The following SAMD7 variants were observed in gnomAD, a reference collection of about 807,000 sequenced individuals.
The protein encoded by SAMD7 is sterile alpha motif domain containing 7, also known as sterile alpha motif domain-containing protein 7.
In SAMD7, 34 loss-of-function variants were observed where a neutral mutation model predicts 36.7. That is an observed-to-expected ratio of 0.93 (90% CI 0.71 to 1.23). The LOEUF is 1.23. SAMD7 is among the 50% of genes most tolerant of loss of function. The pLI, the probability that SAMD7 is intolerant of heterozygous loss-of-function variation, is 0.00. For missense variants in SAMD7, 570 were observed against 546.6 expected (o/e 1.04, Z -0.43); for synonymous variants, 188 against 189.7 (o/e 0.99, Z 0.07).
chr3:169,926,487 G>C lies in SAMD7; in HGVS notation c.291-66G>C, dbSNP rs59427902. ...TGAGGACTATTTTAGGGAAGACAAG[G>C]GGTCATTAAAATTACATTTATAGTG... is the stretch of plus-strand genomic sequence containing the variant. On this transcript the variant is annotated intron_variant, in intron 5 of 8. Coordinates refer to ENST00000335556, the MANE Select transcript of SAMD7 (RefSeq NM_001304366.2). 3.6e-3 allele frequency: 5,186 copies of C among 1,454,740 alleles called. 88 individuals carry two copies. In the East Asian group the frequency reaches 0.041, roughly 12 times the overall value. The allele number at this position is 1,454,740 out of a possible 1,614,324, so 90.1% of individuals were successfully genotyped here. A position where few individuals can be genotyped will look rare whatever the true frequency, so the allele number is the denominator to read the frequency against.
chr3:169,931,913 A>G, intron 7 of SAMD7: 1 of 273,272 alleles, frequency 3.7e-6, no homozygotes, highest in Non-Finnish European at 7.2e-6. Context: ...TAATGATGGA[A>G]TCTCCTTACT....
chr3:169,935,095 T>G (rs746779973), intron 7 of SAMD7, among the ~76,000 whole-genome samples: 1 of 152,158 alleles, frequency 6.6e-6, no homozygotes, highest in Non-Finnish European at 1.5e-5. Flanking sequence ...GAGCTCAGAT[T>G]CCCTGAGACT....
At chr3:169,915,996 C>T (rs1008479861) in intron 2 of SAMD7, among the ~76,000 whole-genome samples, 1 of 152,202 alleles carries the variant, frequency 6.6e-6, no homozygotes, top group African/African-American at 2.4e-5. Context: ...GAAGCCACCA[C>T]TTAATCAAGG....
intron 8 of SAMD7, 91 bp from the exon 9 acceptor site, chr3:169,938,227 A>AT: frequency 1.2e-6 from 1 of 814,986 alleles, no homozygotes; most frequent in Non-Finnish European, 2.0e-6. Flanking sequence ...CATGCCTGAA[A>AT]TTACCTCAGC....
Position 169,926,955 on chromosome 3 carries a change from A to C in SAMD7, c.693A>C (p.Ala231=). The C allele has an allele frequency of 1.2e-6, 2 of 1,614,054 alleles. No individual in the cohort carries two copies. Among genetic ancestry groups the C allele is most frequent in the Non-Finnish European group, 1.7e-6 (2 of 1,179,990 alleles). ...DHYAKDPDIE[A]PSNQKSSETN... is the part of the protein sequence containing the mutation. ...ATGCAAAAGACCCAGACATTGAAGC[A>C]CCCAGCAACCAGAAGTCAAGTGAAA... Residue 231 remains alanine, a synonymous_variant, in exon 6 of 9, where the codon GCA becomes GCC. Transcript: ENST00000335556.
intron 5 of SAMD7, 55 bp downstream of exon 5, chr3:169,925,191 T>C: frequency 8.9e-7 from 1 of 1,120,758 alleles, no homozygotes; most frequent in South Asian, 1.3e-5. Context: ...GCTCATTTAT[T>C]CACTTGTTAT....
chr3:169,933,095 CT>C (rs1293282608), intron 7 of SAMD7: 1 of 878,248 alleles, frequency 1.1e-6, no homozygotes, highest in East Asian at 2.6e-5. Context: ...ATGACCCCCT[CT>C]CCCCAGTGCT....
intron 7 of SAMD7, chr3:169,932,263 G>C: frequency 1.2e-6 from 1 of 835,658 alleles, no homozygotes; most frequent in Non-Finnish European, 2.0e-6. Context: ...AGAGCTGGGG[G>C]CAATCATGCA....
At chr3:169,918,118 A>C (rs1712892446) in intron 2 of SAMD7, among the ~76,000 whole-genome samples, 1 of 150,984 alleles carries the variant, frequency 6.6e-6, no homozygotes, top group African/African-American at 2.4e-5. Flanking sequence ...TTGTATTTTC[A>C]GTAGAGACAG....
In SAMD7 at chr3:169,938,399, A is replaced by C. The variant is rs753971854; in HGVS notation, c.1234A>C (p.Thr412Pro). ...ACAAGCATTTGATCAACCAGCAGAT[A>C]CATCCCCTCTTCTGGATCCTAATTC... ...IRQAFDQPAD[T>P]SPLLDPNSWS... is the part of the protein sequence containing the mutation. The change falls in exon 9 of 9, where the codon ACA becomes CCA. Residue 412 changes from threonine to proline, a missense_variant. Physicochemically the swap from Thr to Pro is conservative, Grantham distance 38. Transcript: ENST00000335556. The C allele has an allele frequency of 6.2e-7, 1 of 1,609,448 alleles. No homozygotes were observed. The highest frequency in any genetic ancestry group is 1.7e-5 in the Admixed American group (1 of 60,014).
At chr3:169,935,601 G>A (rs545768029) in intron 7 of SAMD7, among the ~76,000 whole-genome samples, 5 of 152,258 alleles carry the variant, frequency 3.3e-5, no homozygotes, top group South Asian at 2.1e-4. Flanking sequence ...GTTTGAGGAG[G>A]GTGGAGATAG....
intron 1 of SAMD7, 31 bp from the exon 2 acceptor site, chr3:169,915,336 A>G (rs1712752099): frequency 6.6e-6 from 1 of 152,136 alleles, no homozygotes; most frequent in Non-Finnish European, 1.5e-5. Flanking sequence ...TACCTCCCAA[A>G]TAAACTACTG....
At position 169,926,969 on chromosome 3, in the gene SAMD7, A is replaced by C. The variant is rs1391176485; in HGVS notation, c.707A>C (p.Lys236Thr). 6.2e-7 allele frequency: 1 copy of C among 1,614,060 alleles called. No individual in the cohort carries two copies. The highest frequency in any genetic ancestry group is 1.7e-5 in the Admixed American group (1 of 60,000). Residue 236 changes from lysine (K) to threonine (T), a missense_variant, in exon 6 of 9, where the codon AAG (lysine) becomes ACG (threonine). By Grantham distance (78) the Lys-to-Thr change is moderately conservative. Coordinates refer to ENST00000335556, the MANE Select transcript of SAMD7 (RefSeq NM_001304366.2). ...GACATTGAAGCACCCAGCAACCAGA[A>C]GTCAAGTGAAACGAATGAAAAGCCA... ...DPDIEAPSNQ[K>T]SSETNEKPTT...
intron 7 of SAMD7, among the ~76,000 whole-genome samples, chr3:169,930,684 C>A (rs1479454142): frequency 6.7e-6 from 1 of 149,808 alleles, no homozygotes; most frequent in Non-Finnish European, 1.5e-5. Flanking sequence ...TGGGTTCAAG[C>A]GATTCTCCTG....
chr3:169,921,136 A>C (rs1713024274), intron 3 of SAMD7, 78 bp from the exon 4 acceptor site: 1 of 1,355,584 alleles, frequency 7.4e-7, no homozygotes, highest in Non-Finnish European at 1.0e-6. Flanking sequence ...CAATAACAAA[A>C]TCTCATTGTC....
chr3:169,912,306 A>G (rs1273150418), intron 1 of SAMD7, among the ~76,000 whole-genome samples: 3 of 152,204 alleles, frequency 2.0e-5, no homozygotes, highest in African/African-American at 4.8e-5. Flanking sequence ...TTTCAGAAAA[A>G]CATTGAGGAA....
chr3:169,927,182 G>C lies in SAMD7; in HGVS notation c.919+1G>C, dbSNP rs1713305306. The C allele has an allele frequency of 1.3e-6, 2 of 1,522,894 alleles. No homozygotes were observed. Among genetic ancestry groups the C allele is most frequent in the Non-Finnish European group, 1.8e-6 (2 of 1,139,650 alleles). 94.3% of individuals were successfully genotyped at this position (1,522,894 alleles called of 1,614,324 possible). A position where few individuals can be genotyped will look rare whatever the true frequency, so the allele number is the denominator to read the frequency against. ...CCAGTTCCTCGACCATCTCTGCCAG[G>C]TGGGTGTCCAGGGGCCAATGGCAGA... is the stretch of plus-strand genomic sequence containing the variant. On this transcript the variant is annotated splice_donor_variant, in intron 6 of 8. Transcript: ENST00000335556. LOFTEE classifies it high-confidence loss of function.
intron 1 of SAMD7, among the ~76,000 whole-genome samples, chr3:169,912,476 C>T (rs376196881): frequency 3.9e-5 from 6 of 152,304 alleles, no homozygotes; most frequent in African/African-American, 1.4e-4. Flanking sequence ...CTTTGCTTCA[C>T]AATCTTTTGA....
At chr3:169,919,194 T>A (rs1278941657) in intron 2 of SAMD7, among the ~76,000 whole-genome samples, 2 of 152,166 alleles carry the variant, frequency 1.3e-5, no homozygotes, top group Admixed American at 6.5e-5. Context: ...ATTTCTGGAA[T>A]CTTGCAAGGC....
Sources: allele counts gnomAD v4.1 joint callset (sites outside exome capture counted in the v4.1 genomes callset), GRCh38; gene constraint gnomAD v4.1.1; transcripts MANE v1.5; gene names NCBI Gene and HGNC (gene_info 2026-07-23, HGNC 2026-07-21).